The following CFAP210 variants were observed in gnomAD, a reference collection of about 807,000 sequenced individuals.
The protein encoded by CFAP210 is cilia and flagella associated protein 210.
At chr2:169,675,781 C>T in the CFAP210 span, among the ~76,000 whole-genome samples, 1 of 152,166 alleles carries the variant, frequency 6.6e-6, no homozygotes, top group Admixed American at 6.6e-5. Context: ...TCCAAAGTTC[C>T]TCTCCACAGT....
At chr2:169,679,678 C>G in the CFAP210 span, among the ~76,000 whole-genome samples, 1 of 47,816 alleles carries the variant, frequency 2.1e-5, no homozygotes, top group Non-Finnish European at 4.0e-5. Flanking sequence ...GAGACTCCAT[C>G]TCAAAAAAAA....
the CFAP210 span, chr2:169,680,968 T>A: frequency 6.6e-7 from 1 of 1,522,372 alleles, no homozygotes; most frequent in Admixed American, 1.7e-5. Flanking sequence ...CAAGAGTAAG[T>A]CTTCAGTGCA....
chr2:169,654,105 A>G, the CFAP210 span: 1 of 1,609,932 alleles, frequency 6.2e-7, no homozygotes, highest in Non-Finnish European at 8.5e-7. Context: ...TTCTTTCCCC[A>G]TTTGTATAAG....
chr2:169,688,810 C>A, the CFAP210 span, among the ~76,000 whole-genome samples: 1 of 152,222 alleles, frequency 6.6e-6, no homozygotes, highest in African/African-American at 2.4e-5. Context: ...GCTCTTCAAA[C>A]TGTTCCAATC....
At chr2:169,682,099 G>C in the CFAP210 span, among the ~76,000 whole-genome samples, 1 of 152,136 alleles carries the variant, frequency 6.6e-6, no homozygotes, top group Non-Finnish European at 1.5e-5. Flanking sequence ...TCCGTTATAT[G>C]AATTTAAAGC....
At chr2:169,670,852 A>G in the CFAP210 span, among the ~76,000 whole-genome samples, 1 of 152,212 alleles carries the variant, frequency 6.6e-6, no homozygotes, top group Non-Finnish European at 1.5e-5. Flanking sequence ...GAAATGAGTT[A>G]CTATGTATAG....
At chr2:169,683,113 A>G in the CFAP210 span, among the ~76,000 whole-genome samples, 12 of 152,208 alleles carry the variant, frequency 7.9e-5, no homozygotes, top group Non-Finnish European at 1.5e-4. Flanking sequence ...TAAGGCAGGT[A>G]GAGGTGAGAA....
At chr2:169,674,042 G>A in the CFAP210 span, among the ~76,000 whole-genome samples, 6 of 152,074 alleles carry the variant, frequency 3.9e-5, no homozygotes, top group Non-Finnish European at 8.8e-5. Context: ...TGTTGTTGGG[G>A]TTGGCCATGT....
At chr2:169,660,380 ACT>A in the CFAP210 span, among the ~76,000 whole-genome samples, 1 of 146,404 alleles carries the variant, frequency 6.8e-6, no homozygotes, top group Non-Finnish European at 1.5e-5. Flanking sequence ...ACAGAGCAAG[ACT>A]CTGTCTCAAA....
chr2:169,679,478 A>C, the CFAP210 span, among the ~76,000 whole-genome samples: 1 of 151,986 alleles, frequency 6.6e-6, no homozygotes. Context: ...GGATATCAAG[A>C]CCATCCTGGC....
chr2:169,653,935 G>A, the CFAP210 span: 10 of 869,626 alleles, frequency 1.1e-5, no homozygotes, highest in South Asian at 2.1e-5. Flanking sequence ...TCACACCCAC[G>A]TCCCAAACTG....
the CFAP210 span, chr2:169,658,659 A>G: frequency 0.011 from 2,029 of 190,634 alleles, 21 homozygotes; most frequent in Non-Finnish European, 0.017. Context: ...AAAAAACTGT[A>G]TTCTCAGTCA....
At chr2:169,688,486 C>T in the CFAP210 span, among the ~76,000 whole-genome samples, 4 of 152,152 alleles carry the variant, frequency 2.6e-5, no homozygotes, top group African/African-American at 9.7e-5. Context: ...CCTTTTAAAA[C>T]TGAATGCCCT....
At chr2:169,651,705 G>A in the CFAP210 span, among the ~76,000 whole-genome samples, 1 of 151,926 alleles carries the variant, frequency 6.6e-6, no homozygotes, top group African/African-American at 2.4e-5. Flanking sequence ...CTCTATCATT[G>A]GAGGCTGAGG....
the CFAP210 span, among the ~76,000 whole-genome samples, chr2:169,650,961 G>C: frequency 6.6e-6 from 1 of 151,842 alleles, no homozygotes; most frequent in Non-Finnish European, 1.5e-5. Context: ...GGGCGTGGTG[G>C]CTCATACCTG....
chr2:169,668,651 G>T, the CFAP210 span, among the ~76,000 whole-genome samples: 52,528 of 151,994 alleles, frequency 0.35, 9,846 homozygotes, highest in Admixed American at 0.47. Context: ...TGTGTCTCAG[G>T]GAAGAAGGAG....
At chr2:169,691,367 AT>A in the CFAP210 span, among the ~76,000 whole-genome samples, 1 of 152,148 alleles carries the variant, frequency 6.6e-6, no homozygotes, top group Non-Finnish European at 1.5e-5. Flanking sequence ...CTTTAAATAT[AT>A]TTACAATAGC....
At chr2:169,686,225 G>A in the CFAP210 span, among the ~76,000 whole-genome samples, 7 of 152,292 alleles carry the variant, frequency 4.6e-5, no homozygotes, top group East Asian at 3.9e-4. Context: ...ATCATGAAGC[G>A]TGAGTCCTCC....
chr2:169,693,999 A>G, the CFAP210 span, among the ~76,000 whole-genome samples: 32 of 151,838 alleles, frequency 2.1e-4, no homozygotes, highest in African/African-American at 7.3e-4. Flanking sequence ...GGGGTCTCTG[A>G]TTTCCTATCT....
Sources: allele counts gnomAD v4.1 joint callset (sites outside exome capture counted in the v4.1 genomes callset), GRCh38; gene constraint gnomAD v4.1.1; transcripts MANE v1.5; gene names NCBI Gene and HGNC (gene_info 2026-07-23, HGNC 2026-07-21).